The following NME9 variants were observed in gnomAD, a reference collection of about 807,000 sequenced individuals.
NME9 encodes the protein NME/NM23 family member 9.
Under a neutral mutation model 44.4 loss-of-function variants are expected in NME9, and 48 were observed. That is an observed-to-expected ratio of 1.08 (90% CI 0.86 to 1.37). The LOEUF (loss-of-function observed/expected upper bound fraction) is 1.37. NME9 is among the 40% of genes most tolerant of loss of function. NME9 has a pLI of 0.00. For missense variants in NME9, 325 were observed against 405.2 expected, an observed-to-expected ratio of 0.80 and a Z score of 1.70; for synonymous variants, 139 against 147.1, an observed-to-expected ratio of 0.94 and a Z score of 0.40.
chr3:138,325,888 G>A (rs79492841), intron 1 of NME9, among the ~76,000 whole-genome samples: 16,302 of 148,586 alleles, frequency 0.11, 2,866 homozygotes, highest in African/African-American at 0.38. Context: ...AACACATTAC[G>A]ATAATCAAAA....
At chr3:138,324,101 G>T (rs1291675033) in intron 2 of NME9, 1 of 213,348 alleles carries the variant, frequency 4.7e-6, no homozygotes, top group Non-Finnish European at 9.7e-6. Flanking sequence ...GTTGTGAGTA[G>T]CCTCATGGAG....
At chr3:138,288,950 T>C in intron 8 of NME9, 2 of 967,020 alleles carry the variant, frequency 2.1e-6, no homozygotes, top group Non-Finnish European at 3.2e-6. Flanking sequence ...CTTCAGACTT[T>C]TAGGTTATAG....
intron 8 of NME9, among the ~76,000 whole-genome samples, chr3:138,291,853 A>T (rs747056478): frequency 9.2e-5 from 14 of 152,152 alleles, no homozygotes; most frequent in Non-Finnish European, 1.5e-4. Flanking sequence ...ACAGAGGGCT[A>T]ATGAAAAATA....
In NME9 at chr3:138,318,439, A is replaced by AC. The variant is rs1467598642; in HGVS notation, c.196-221dup. On this transcript the variant is annotated intron_variant, in intron 3 of 10. Coordinates refer to ENST00000333911, the MANE Select transcript of NME9 (RefSeq NM_001349018.2). ...AAATGAGGAAGCAAGAGTATCTCCT[A>AC]CCCGCCCCCCAGCTACTGCACCAGT... Among the ~76,000 whole-genome samples, 1,005 of 146,266 alleles carry AC rather than the reference A, an allele frequency of 6.9e-3. 11 individuals carry two copies. Among genetic ancestry groups the AC allele is most frequent in the African/African-American group, 0.026 (939 of 35,914 alleles).
In NME9 at chr3:138,329,660, G is replaced by A. The variant is rs947070860; in HGVS notation, c.-325C>T. The A allele has an allele frequency of 1.6e-6, 2 of 1,253,710 alleles. No homozygotes were observed. The highest frequency in any genetic ancestry group is 1.6e-5 in the African/African-American group (1 of 64,020). 77.7% of individuals were successfully genotyped at this position (1,253,710 alleles called of 1,614,324 possible). Reference sequence around the variant, plus strand: ...AGAGGCCGGAGTCAGTGCGCCGGGCGCGGTGCAGCCTGTCGGGCACAGGGT... The same window carrying A: ...AGAGGCCGGAGTCAGTGCGCCGGGCACGGTGCAGCCTGTCGGGCACAGGGT... On this transcript the variant is annotated 5_prime_UTR_variant, in exon 1 of 11. Transcript: ENST00000333911.
chr3:138,315,238 T>G (rs914096785), intron 5 of NME9, among the ~76,000 whole-genome samples: 1 of 152,218 alleles, frequency 6.6e-6, no homozygotes, highest in Admixed American at 6.5e-5. Context: ...CACTCCATTC[T>G]GTAACTTGAT....
chr3:138,313,760 C>T (rs2052868118), intron 6 of NME9, among the ~76,000 whole-genome samples: 1 of 152,160 alleles, frequency 6.6e-6, no homozygotes, highest in Admixed American at 6.5e-5. Context: ...TTTGTGGCAA[C>T]ATGGATAGAA....
intron 3 of NME9, among the ~76,000 whole-genome samples, chr3:138,318,923 G>A (rs2108455766): frequency 6.6e-6 from 1 of 152,256 alleles, no homozygotes; most frequent in South Asian, 2.1e-4. Context: ...ATGTGGCTGG[G>A]GTGGTGGCTC....
At chr3:138,314,435 GTAGT>G in intron 5 of NME9, 28 bp from the exon 6 acceptor site, 1 of 1,413,810 alleles carries the variant, frequency 7.1e-7, no homozygotes, top group Middle Eastern at 1.8e-4. Flanking sequence ...TTAAAAGAAA[GTAGT>G]TAGCTAATTA....
At chr3:138,270,677 C>T (rs1248655688) in intron 8 of NME9, among the ~76,000 whole-genome samples, 1 of 152,070 alleles carries the variant, frequency 6.6e-6, no homozygotes, top group Non-Finnish European at 1.5e-5. Context: ...TATTACCTCA[C>T]ATATTTAACC....
chr3:138,271,798 C>CTTTTTTTTTTTTTTTTTTTTTTTTTTTT (rs776320900), intron 8 of NME9, among the ~76,000 whole-genome samples: 3 of 136,134 alleles, frequency 2.2e-5, no homozygotes, highest in African/African-American at 8.5e-5. Flanking sequence ...TTTTTTCTTT[C>CTTTTTTTTTTTTTTTTTTTTTTTTTTTT]TTTTTTTTTT....
Position 138,301,582 on chromosome 3 carries a change from GGTC to G in NME9, c.*55_*57del. The G allele has an allele frequency of 3.3e-6, 5 of 1,531,712 alleles. No homozygotes were observed. The highest frequency in any genetic ancestry group is 4.4e-6 in the Non-Finnish European group (5 of 1,145,380). 94.9% of individuals were successfully genotyped at this position (1,531,712 alleles called of 1,614,324 possible). A position where few individuals can be genotyped will look rare whatever the true frequency, so the allele number is the denominator to read the frequency against. On this transcript the variant is annotated 3_prime_UTR_variant, in exon 11 of 11. Transcript: ENST00000333911. ...CAAAAGAGTAAGTTCCGATTCCGGA[GGTC>G]TGTTTTGTGCAGTAGACCCCTGGTC...
At chr3:138,284,463 G>T (rs371255348) in intron 8 of NME9, 1 of 1,613,636 alleles carries the variant, frequency 6.2e-7, no homozygotes, top group Non-Finnish European at 8.5e-7. Flanking sequence ...TAGCGGATGG[G>T]ACAACAGCAA....
chr3:138,320,427 C>T (rs1347430428), intron 2 of NME9, among the ~76,000 whole-genome samples: 2 of 152,188 alleles, frequency 1.3e-5, no homozygotes, highest in Non-Finnish European at 2.9e-5. Context: ...TCTGTTCAAC[C>T]GCCAGAGTAG....
intron 8 of NME9, chr3:138,262,643 T>C: frequency 6.7e-7 from 1 of 1,492,902 alleles, no homozygotes; most frequent in Non-Finnish European, 8.9e-7. Context: ...CCCTGGAGAA[T>C]CTAATTTAAT....
At chr3:138,266,095 G>A (rs776465346) in intron 8 of NME9, among the ~76,000 whole-genome samples, 6 of 152,082 alleles carry the variant, frequency 3.9e-5, no homozygotes, top group Non-Finnish European at 8.8e-5. Flanking sequence ...ATTTTCAGTG[G>A]GCCTGCCTAA....
intron 8 of NME9, among the ~76,000 whole-genome samples, chr3:138,270,852 T>C (rs2048723443): frequency 6.6e-6 from 1 of 152,208 alleles, no homozygotes; most frequent in East Asian, 1.9e-4. Flanking sequence ...AAATTGTAAA[T>C]AGAGTAATCC....
chr3:138,269,951 A>G, intron 8 of NME9: 1 of 761,564 alleles, frequency 1.3e-6, no homozygotes, highest in East Asian at 2.7e-5. Flanking sequence ...AGAGTGGGGA[A>G]GAAATCACAA....
chr3:138,292,331 C>T (rs1019205217), intron 8 of NME9, among the ~76,000 whole-genome samples: 21 of 152,236 alleles, frequency 1.4e-4, no homozygotes, highest in African/African-American at 4.6e-4. Context: ...TGAGCCACCA[C>T]GCCGGGCCCT....
Sources: allele counts gnomAD v4.1 joint callset (sites outside exome capture counted in the v4.1 genomes callset), GRCh38; gene constraint gnomAD v4.1.1; transcripts MANE v1.5; gene names NCBI Gene and HGNC (gene_info 2026-07-23, HGNC 2026-07-21).